The following EPHA3 variants were observed in gnomAD, a reference collection of about 807,000 sequenced individuals.
The protein encoded by EPHA3 is EPH receptor A3, also known as ephrin type-A receptor 3.
EPHA3 carries 42 observed loss-of-function variants against 107.1 expected under a neutral mutation model. That is an observed-to-expected ratio of 0.39 (90% CI 0.31 to 0.51). EPHA3 has a LOEUF of 0.51. EPHA3 is among the 20% of genes least tolerant of loss of function. The pLI is 0.78. For missense variants in EPHA3, 1,183 were observed against 1,211.2 expected (o/e 0.98, Z 0.35); for synonymous variants, 461 against 424.8 (o/e 1.09, Z -1.05).
At chr3:89,306,726 G>A (rs1454777377) in intron 3 of EPHA3, among the ~76,000 whole-genome samples, 1 of 152,126 alleles carries the variant, frequency 6.6e-6, no homozygotes, top group African/African-American at 2.4e-5. Context: ...ATAATGCTGA[G>A]AAAAGCCCTG....
intron 3 of EPHA3, among the ~76,000 whole-genome samples, chr3:89,302,423 T>C (rs573113511): frequency 1.3e-5 from 2 of 152,276 alleles, no homozygotes; most frequent in South Asian, 2.1e-4. Flanking sequence ...ACTTGCTCTG[T>C]GGGAGGTAGA....
At chr3:89,347,757 T>C (rs1707707559) in intron 5 of EPHA3, among the ~76,000 whole-genome samples, 1 of 150,512 alleles carries the variant, frequency 6.6e-6, no homozygotes, top group Non-Finnish European at 1.5e-5. Flanking sequence ...GGGTTTGTCA[T>C]AGATAGCTCT....
intron 15 of EPHA3, among the ~76,000 whole-genome samples, chr3:89,457,957 G>A (rs879377472): frequency 3.3e-5 from 5 of 152,218 alleles, no homozygotes; most frequent in African/African-American, 7.2e-5. Context: ...AATACTTCCA[G>A]GTTCTGAATG....
At chr3:89,356,580 G>GT (rs1325614800) in intron 5 of EPHA3, among the ~76,000 whole-genome samples, 2 of 151,098 alleles carry the variant, frequency 1.3e-5, no homozygotes, top group Non-Finnish European at 3.0e-5. Context: ...TAGGCCCCAA[G>GT]TTTTTTTCAA....
chr3:89,409,501 G>A lies in EPHA3; in HGVS notation c.1762+1370G>A, dbSNP rs551878036. Among the ~76,000 whole-genome samples, 9 of 151,932 alleles carry A rather than the reference G, an allele frequency of 5.9e-5. No homozygotes were observed. The South Asian group carries it at 1.5e-3, about 24-fold the overall frequency. ...ATTTTGAGCTTTGGTAAATTTCTGT[G>A]TGCCAATTATTAAACAGGTTCCTCT... is the stretch of plus-strand genomic sequence containing the variant. On this transcript the variant is annotated intron_variant, in intron 9 of 16. Coordinates refer to ENST00000336596, the MANE Select transcript of EPHA3 (RefSeq NM_005233.6).
rs114850526 is a variant in EPHA3 at position 89,343,273 on chromosome 3, G to A, written c.1306+1183G>A. On this transcript the variant is annotated intron_variant, in intron 5 of 16. Coordinates refer to ENST00000336596, the MANE Select transcript of EPHA3 (RefSeq NM_005233.6). ...TTAGTTCAACTAGTAAAGACACAGA[G>A]TAAGTGTCATCTACAAAAGCAAGTA... 5.0e-3 allele frequency among the ~76,000 whole-genome samples: 756 copies of A among 152,316 alleles called. 7 individuals carry two copies. Among genetic ancestry groups the A allele is most frequent in the African/African-American group, 0.017 (714 of 41,564 alleles).
chr3:89,195,945 C>A (rs1353298121), intron 2 of EPHA3, among the ~76,000 whole-genome samples: 1 of 152,044 alleles, frequency 6.6e-6, no homozygotes, highest in Non-Finnish European at 1.5e-5. Flanking sequence ...TTTATAGCAC[C>A]CAGAGTGATT....
chr3:89,343,690 T>C, intron 5 of EPHA3, among the ~76,000 whole-genome samples: 1 of 152,244 alleles, frequency 6.6e-6, no homozygotes, highest in South Asian at 2.1e-4. Context: ...CATATATTGA[T>C]GAAAATCTTA....
At chr3:89,355,682 T>C (rs1707931485) in intron 5 of EPHA3, among the ~76,000 whole-genome samples, 1 of 150,674 alleles carries the variant, frequency 6.6e-6, no homozygotes, top group African/African-American at 2.4e-5. Flanking sequence ...TTGTGAGGAG[T>C]AAATAAAATG....
intron 5 of EPHA3, among the ~76,000 whole-genome samples, chr3:89,342,962 C>A (rs1303278828): frequency 1.3e-5 from 2 of 151,736 alleles, no homozygotes; most frequent in African/African-American, 2.4e-5. Flanking sequence ...AGAGAACTAC[C>A]GATTCTCCAG....
At chr3:89,309,952 T>A (rs1336021751) in intron 3 of EPHA3, among the ~76,000 whole-genome samples, 1 of 146,460 alleles carries the variant, frequency 6.8e-6, no homozygotes, top group Non-Finnish European at 1.5e-5. Context: ...AAGTTACAAA[T>A]CTTGTGAATT....
At chr3:89,408,675 T>TA (rs892901873) in intron 9 of EPHA3, among the ~76,000 whole-genome samples, 1 of 152,172 alleles carries the variant, frequency 6.6e-6, no homozygotes, top group African/African-American at 2.4e-5. Flanking sequence ...TAATTTTTTT[T>TA]AAATACACAT....
At chr3:89,357,173 A>G (rs926593191) in intron 5 of EPHA3, among the ~76,000 whole-genome samples, 1 of 148,808 alleles carries the variant, frequency 6.7e-6, no homozygotes, top group African/African-American at 2.4e-5. Flanking sequence ...AGAGTAAAGA[A>G]AAGAGACGGT....
intron 11 of EPHA3, among the ~76,000 whole-genome samples, chr3:89,420,383 C>A (rs1709331717): frequency 6.6e-6 from 1 of 151,384 alleles, no homozygotes; most frequent in Admixed American, 6.6e-5. Flanking sequence ...CTCATGAGAG[C>A]ATGGTTTAAT....
chr3:89,187,852 A>G (rs998845110), intron 2 of EPHA3, among the ~76,000 whole-genome samples: 16 of 152,162 alleles, frequency 1.1e-4, no homozygotes, highest in African/African-American at 3.4e-4. Flanking sequence ...AATGTAATAT[A>G]ACAACTCTCT....
chr3:89,395,692 A>G (rs1708834663), intron 5 of EPHA3, 145 bp from the exon 6 acceptor site: 3 of 946,572 alleles, frequency 3.2e-6, no homozygotes, highest in Non-Finnish European at 4.7e-6. Context: ...AGCCTTGGAA[A>G]TGGAAATAGT....
chr3:89,163,683 G>A (rs374787681), intron 2 of EPHA3, among the ~76,000 whole-genome samples: 12 of 152,238 alleles, frequency 7.9e-5, no homozygotes, highest in South Asian at 4.1e-4. Flanking sequence ...ACTCTTGTCC[G>A]ATTTCCCAAT....
At chr3:89,271,404 T>C (rs1685341048) in intron 3 of EPHA3, among the ~76,000 whole-genome samples, 1 of 151,998 alleles carries the variant, frequency 6.6e-6, no homozygotes, top group Non-Finnish European at 1.5e-5. Flanking sequence ...AAATGTATTT[T>C]TCTAATGTTT....
chr3:89,387,384 TCTC>T (rs1193093880), intron 5 of EPHA3, among the ~76,000 whole-genome samples: 1 of 152,156 alleles, frequency 6.6e-6, no homozygotes, highest in African/African-American at 2.4e-5. Context: ...ACTCTGCACT[TCTC>T]CTTGCTGCAG....
Sources: allele counts gnomAD v4.1 joint callset (sites outside exome capture counted in the v4.1 genomes callset), GRCh38; gene constraint gnomAD v4.1.1; transcripts MANE v1.5; gene names NCBI Gene and HGNC (gene_info 2026-07-23, HGNC 2026-07-21).